TMCC1: variants seen among roughly 807,000 people sequenced by gnomAD.
TMCC1 encodes the protein transmembrane and coiled-coil domains protein 1.
A neutral mutation model predicts 52.4 loss-of-function variants in TMCC1; 15 were observed. That is an observed-to-expected ratio of 0.29 (90% CI 0.19 to 0.44). The LOEUF is 0.44. Ranked by LOEUF, TMCC1 falls within the 20% of genes least tolerant of loss-of-function variation. The probability of loss-of-function intolerance (pLI) is 1.00; values close to 1 mark genes in which losing one functional copy is unlikely to be tolerated. For synonymous variants in TMCC1, 279 were observed against 301.9 expected (o/e 0.92, Z 0.79); for missense variants, 503 against 806.0 (o/e 0.62, Z 4.55).
intron 4 of TMCC1, among the ~76,000 whole-genome samples, chr3:129,788,765 G>A (rs2056234691): frequency 6.6e-6 from 1 of 151,672 alleles, no homozygotes; most frequent in South Asian, 2.1e-4. Flanking sequence ...ACCACACCTG[G>A]CCTTACTGGG....
chr3:129,775,338 C>A (rs1264158288), intron 4 of TMCC1, among the ~76,000 whole-genome samples: 1 of 152,036 alleles, frequency 6.6e-6, no homozygotes, highest in Admixed American at 6.6e-5. Flanking sequence ...GTGGTACATG[C>A]CTGCAGTTTC....
chr3:129,820,125 A>G (rs1334312554), intron 4 of TMCC1, among the ~76,000 whole-genome samples: 1 of 148,930 alleles, frequency 6.7e-6, no homozygotes, highest in East Asian at 2.0e-4. Flanking sequence ...TATTCTTGGC[A>G]AGACCTACAG....
chr3:129,858,954 T>C (rs2060261523), intron 2 of TMCC1, among the ~76,000 whole-genome samples: 2 of 152,206 alleles, frequency 1.3e-5, no homozygotes, highest in African/African-American at 2.4e-5. Flanking sequence ...CCTTAGATTA[T>C]CTACAAAACG....
At chr3:129,806,741 C>T (rs997750382) in intron 4 of TMCC1, among the ~76,000 whole-genome samples, 1 of 151,558 alleles carries the variant, frequency 6.6e-6, no homozygotes, top group Non-Finnish European at 1.5e-5. Flanking sequence ...ATATATAAAA[C>T]AAGAAAAGCA....
At chr3:129,824,424 T>C (rs2058567033) in intron 4 of TMCC1, among the ~76,000 whole-genome samples, 1 of 152,188 alleles carries the variant, frequency 6.6e-6, no homozygotes, top group African/African-American at 2.4e-5. Flanking sequence ...TTACCAAGGT[T>C]AGGAACAGTT....
intron 4 of TMCC1, among the ~76,000 whole-genome samples, chr3:129,765,611 G>C (rs902298082): frequency 2.0e-5 from 3 of 151,984 alleles, no homozygotes; most frequent in African/African-American, 7.3e-5. Flanking sequence ...TTATAATTTA[G>C]TAATTAGCAA....
intron 4 of TMCC1, among the ~76,000 whole-genome samples, chr3:129,777,933 C>A (rs911351483): frequency 1.3e-5 from 2 of 152,156 alleles, no homozygotes; most frequent in Non-Finnish European, 2.9e-5. Context: ...TGCAATCCAA[C>A]CCCCAACCAA....
intron 4 of TMCC1, among the ~76,000 whole-genome samples, chr3:129,790,403 G>C (rs1363969131): frequency 6.6e-6 from 1 of 152,078 alleles, no homozygotes; most frequent in Non-Finnish European, 1.5e-5. Flanking sequence ...ACAGAGATAG[G>C]GGTATGAACT....
intron 4 of TMCC1, among the ~76,000 whole-genome samples, chr3:129,753,616 T>C (rs1473703243): frequency 6.6e-6 from 1 of 152,190 alleles, no homozygotes; most frequent in Non-Finnish European, 1.5e-5. Context: ...GTTATATCAA[T>C]AGATGCAGAG....
In TMCC1 at chr3:129,848,849, T is replaced by TG. The variant is rs1176133790; in HGVS notation, c.-183-16024_-183-16023insC. ...ACTCCCTCCCCCACCTTCATTCCTC[T>TG]TATGACCTGACTTCCTACATCATTG... On this transcript the variant is annotated intron_variant, in intron 2 of 6. Coordinates refer to ENST00000393238, the MANE Select transcript of TMCC1 (RefSeq NM_001017395.5). Among the ~76,000 whole-genome samples, 10 of 151,760 alleles carry TG rather than the reference T, an allele frequency of 6.6e-5. No individual in the cohort carries two copies. In the East Asian group the frequency reaches 1.9e-3, roughly 30 times the overall value.
intron 1 of TMCC1, among the ~76,000 whole-genome samples, chr3:129,884,454 C>A (rs1322095789): frequency 1.3e-5 from 2 of 152,028 alleles, no homozygotes; most frequent in Non-Finnish European, 2.9e-5. Flanking sequence ...ATAGTGCAAC[C>A]CCATTTCTAC....
intron 4 of TMCC1, among the ~76,000 whole-genome samples, chr3:129,695,444 G>A (rs950379450): frequency 3.3e-5 from 5 of 152,130 alleles, no homozygotes; most frequent in Non-Finnish European, 7.4e-5. Flanking sequence ...AAAGGAAAGA[G>A]GTTTAACTGA....
intron 4 of TMCC1, among the ~76,000 whole-genome samples, chr3:129,798,428 T>C (rs1396073318): frequency 6.7e-6 from 1 of 149,656 alleles, no homozygotes; most frequent in Non-Finnish European, 1.5e-5. Flanking sequence ...AATAATGAAG[T>C]GCCTTACAGA....
chr3:129,687,545 T>C (rs1413109220), intron 4 of TMCC1, among the ~76,000 whole-genome samples: 2 of 152,226 alleles, frequency 1.3e-5, no homozygotes, highest in Non-Finnish European at 2.9e-5. Context: ...TAATAACGGC[T>C]AATATGTATA....
chr3:129,822,829 GA>G (rs945949084), intron 4 of TMCC1, among the ~76,000 whole-genome samples: 8 of 152,128 alleles, frequency 5.3e-5, no homozygotes, highest in African/African-American at 1.9e-4. Context: ...AACAGTCTAT[GA>G]GTCTGGTAGT....
intron 2 of TMCC1, among the ~76,000 whole-genome samples, chr3:129,865,995 T>A (rs2060608298): frequency 6.6e-6 from 1 of 152,102 alleles, no homozygotes; most frequent in African/African-American, 2.4e-5. Context: ...GAAGCTTGTA[T>A]CAGAGATCAC....
chr3:129,880,832 G>A (rs1336469842), intron 1 of TMCC1, among the ~76,000 whole-genome samples: 1 of 150,942 alleles, frequency 6.6e-6, no homozygotes, highest in Non-Finnish European at 1.5e-5. Flanking sequence ...CTGGTCTGAA[G>A]TATATCAGTT....
At chr3:129,738,912 G>T (rs891133007) in intron 4 of TMCC1, among the ~76,000 whole-genome samples, 2 of 152,104 alleles carry the variant, frequency 1.3e-5, no homozygotes, top group African/African-American at 4.8e-5. Context: ...TCCGCCACCT[G>T]GGTAAGTGAT....
intron 4 of TMCC1, among the ~76,000 whole-genome samples, chr3:129,825,929 A>T (rs181052553): frequency 6.6e-6 from 1 of 152,342 alleles, no homozygotes; most frequent in East Asian, 1.9e-4. Flanking sequence ...TTTTACTGTA[A>T]GCATATGCTA....
Sources: allele counts gnomAD v4.1 joint callset (sites outside exome capture counted in the v4.1 genomes callset), GRCh38; gene constraint gnomAD v4.1.1; transcripts MANE v1.5; gene names NCBI Gene and HGNC (gene_info 2026-07-23, HGNC 2026-07-21).